Variants in BRD2 observed in about 807,000 individuals in gnomAD.
BRD2 encodes bromodomain containing 2, also known as bromodomain-containing protein 2.
A neutral mutation model predicts 79.1 loss-of-function variants in BRD2; 15 were observed. That is an observed-to-expected ratio of 0.19 (90% CI 0.13 to 0.29). BRD2 has a LOEUF of 0.29. BRD2 is among the 10% of genes least tolerant of loss of function. The probability of loss-of-function intolerance (pLI) is 1.00; values close to 1 mark genes in which losing one functional copy is unlikely to be tolerated. For synonymous variants in BRD2, 488 were observed against 358.6 expected, an observed-to-expected ratio of 1.36 and a Z score of -4.08; for missense variants, 1,053 against 991.3, an observed-to-expected ratio of 1.06 and a Z score of -0.84.
rs1417455376 is a variant in BRD2, at chr6:32,972,544, CCGA to C, written c.-353_-351del. The C allele has an allele frequency of 5.1e-6, 2 of 394,502 alleles. No individual in the cohort carries two copies. The highest frequency in any genetic ancestry group is 9.2e-6 in the Non-Finnish European group (2 of 216,804). 24.4% of individuals were successfully genotyped at this position (394,502 alleles called of 1,614,324 possible). A position where few individuals can be genotyped will look rare whatever the true frequency, so the allele number is the denominator to read the frequency against. ...GGGACCTCGTCGGCCCCGTAGGGGC[CCGA>C]CAAGAAGAGGGAATCCCTGCAGACC... On this transcript the variant is annotated 5_prime_UTR_variant, in exon 2 of 13. Transcript: ENST00000374825.
rs776261408 is a variant in BRD2 at position 32,972,232 on chromosome 6, C to T, written c.-667C>T. 15 of 493,252 alleles carry T rather than the reference C, an allele frequency of 3.0e-5. No individual in the cohort carries two copies. The highest frequency in any genetic ancestry group is 2.4e-4 in the East Asian group (6 of 25,288). The allele number at this position is 493,252 out of a possible 1,614,324, so 30.6% of individuals were successfully genotyped here. A position where few individuals can be genotyped will look rare whatever the true frequency, so the allele number is the denominator to read the frequency against. On this transcript the variant is annotated 5_prime_UTR_variant, in exon 2 of 13. In the 5' UTR this introduces an upstream ATG that the reference lacks. Transcript: ENST00000374825. Reference sequence around the variant, plus strand: ...TGCTGGAGTGGAGCAGCCTCTAGAACGAGCTGGAGGATTCTGCCTACCGAT... The same window carrying T: ...TGCTGGAGTGGAGCAGCCTCTAGAATGAGCTGGAGGATTCTGCCTACCGAT...
chr6:32,971,299 G>A, intron 1 of BRD2: 1 of 308,060 alleles, frequency 3.2e-6, no homozygotes, highest in Admixed American at 5.0e-5. Flanking sequence ...AAATGTATTG[G>A]TAACTGTAGG....
chr6:32,978,556 A>T, intron 10 of BRD2, 168 bp downstream of exon 10: 1 of 1,089,118 alleles, frequency 9.2e-7, no homozygotes. Flanking sequence ...TGGAAGACAG[A>T]TTTTACCACA....
intron 2 of BRD2, 45 bp downstream of exon 2, chr6:32,972,972 G>C: frequency 6.2e-7 from 1 of 1,614,006 alleles, no homozygotes; most frequent in Non-Finnish European, 8.5e-7. Context: ...GTTGCAGGGC[G>C]GCGGCACAGG....
At chr6:32,969,343 C>T (rs1211973226) in intron 1 of BRD2, 1 of 716,466 alleles carries the variant, frequency 1.4e-6, no homozygotes, top group South Asian at 1.5e-5. Context: ...GTACAGCAGC[C>T]GGGAGCCAGG....
rs529274703 is a variant in BRD2 at position 32,973,145 on chromosome 6, G to A, written c.29+218G>A. On this transcript the variant is annotated intron_variant, in intron 2 of 12. Coordinates refer to ENST00000374825, the MANE Select transcript of BRD2 (RefSeq NM_005104.4). Reference sequence around the variant, plus strand: ...GGGAATACAGGTTGTCAATTTATACGCTATTAATGCCGCCGTGGCCCAGTC... The same window carrying A: ...GGGAATACAGGTTGTCAATTTATACACTATTAATGCCGCCGTGGCCCAGTC... 155 of 1,548,322 alleles carry A rather than the reference G, an allele frequency of 1.0e-4. 2 individuals are homozygous for A. In the South Asian group the frequency reaches 1.8e-3, roughly 17 times the overall value.
chr6:32,980,629 C>T lies in BRD2; in HGVS notation c.2317C>T (p.Arg773Cys), dbSNP rs755177056. The change falls in exon 13 of 13, where the codon CGC becomes TGC. Residue 773 changes from arginine to cysteine, a missense_variant. By Grantham distance (180) the Arg-to-Cys change is radical. This residue lies in a region of BRD2 where 139 missense variants were observed against 133.2 expected (regional missense o/e 1.04). Coordinates refer to ENST00000374825, the MANE Select transcript of BRD2 (RefSeq NM_005104.4). ...CTCTGCACAGCAAGTAGCAGTGTCA[C>T]GCCTTAGCGCTTCCAGCTCCAGCTC... ...SSSAQQVAVSRLSASSSSSDS... is the reference protein window; with the variant it reads ...SSSAQQVAVSCLSASSSSSDS... The T allele has an allele frequency of 3.5e-5, 57 of 1,613,174 alleles. No individual in the cohort carries two copies. Among genetic ancestry groups the T allele is most frequent in the Middle Eastern group, 1.6e-4 (1 of 6,062 alleles).
Position 32,977,839 on chromosome 6 carries a change from C to T in BRD2, c.1412C>T (p.Pro471Leu), listed in dbSNP as rs1399935440. The change falls in exon 9 of 13, where the codon CCT becomes CTT. Residue 471 changes from proline (P) to leucine (L), a missense_variant. This residue lies in a region of BRD2 where 454 missense variants were observed against 430.5 expected (regional missense o/e 1.05). Transcript: ENST00000374825. ...TTACCAGTCTCTACTGCCATGCCCC[C>T]TGGCTTGGCCAAATCGTCTTCAGAG... Reference protein sequence around the residue: ...GPLPVSTAMPPGLAKSSSESS... With the variant: ...GPLPVSTAMPLGLAKSSSESS... 6.2e-7 allele frequency: 1 copy of T among 1,613,146 alleles called. No homozygotes were observed. The highest frequency in any genetic ancestry group is 8.5e-7 in the Non-Finnish European group (1 of 1,180,046).
chr6:32,978,545 G>A (rs76088152), intron 10 of BRD2, 157 bp downstream of exon 10: 88,293 of 1,260,662 alleles, frequency 0.07, 3,887 homozygotes, highest in Non-Finnish European at 0.085. Context: ...GACCAGTTTC[G>A]TGGAAGACAG....
At chr6:32,973,495 A>G (rs1029290883) in intron 2 of BRD2, among the ~76,000 whole-genome samples, 5 of 152,108 alleles carry the variant, frequency 3.3e-5, no homozygotes, top group Admixed American at 6.5e-5. Context: ...TTTTCCTAAC[A>G]TTAAAAGTTT....
In BRD2 at chr6:32,968,746, CCCCCTTGG is replaced by C. The variant is rs1000266150; in HGVS notation, c.-1605_-1598del. 1.3e-5 allele frequency: 2 copies of C among 153,600 alleles called. No homozygotes were observed. Among genetic ancestry groups the C allele is most frequent in the African/African-American group, 4.8e-5 (2 of 41,424 alleles). The allele number at this position is 153,600 out of a possible 1,614,324, so 9.5% of individuals were successfully genotyped here. A position where few individuals can be genotyped will look rare whatever the true frequency, so the allele number is the denominator to read the frequency against. On this transcript the variant is annotated 5_prime_UTR_variant, in exon 1 of 13. An upstream open reading frame in the 5' UTR loses its in-frame stop. Coordinates refer to ENST00000374825, the MANE Select transcript of BRD2 (RefSeq NM_005104.4). ...CGGGACATAGGCCTGGGCCATGCGG[CCCCCTTGG>C]CCCCTTGGCGCGACCCCCAGGAACG... is the stretch of plus-strand genomic sequence containing the variant.
chr6:32,978,591 T>G (rs1423362312), intron 10 of BRD2: 19 of 818,346 alleles, frequency 2.3e-5, no homozygotes, highest in African/African-American at 3.5e-5. Context: ...GGATGGTTTT[T>G]GGGATGAAAC....
rs773401595 is a variant in BRD2 at position 32,979,056 on chromosome 6, TG to T, written c.1841+669del. 1.9e-3 allele frequency: 198 copies of T among 104,712 alleles called. 2 individuals are homozygous for T. The highest frequency in any genetic ancestry group is 5.0e-3 in the African/African-American group (166 of 32,948). 6.5% of individuals were successfully genotyped at this position (104,712 alleles called of 1,614,324 possible). On this transcript the variant is annotated intron_variant, in intron 10 of 12. Transcript: ENST00000374825. Reference sequence around the variant, plus strand: ...TGTGGTTTTGTGTTTTGTTTTTTTTTGTTAGTTTGTTTTTTGTTTTGTTTTT... The same window carrying T: ...TGTGGTTTTGTGTTTTGTTTTTTTTTTTAGTTTGTTTTTTGTTTTGTTTTT...
Position 32,973,128 on chromosome 6 carries a change from A to G in BRD2, c.29+201A>G, listed in dbSNP as rs754517349. On this transcript the variant is annotated intron_variant, in intron 2 of 12. Coordinates refer to ENST00000374825, the MANE Select transcript of BRD2 (RefSeq NM_005104.4). ...GGCTACTGCTCGTGGAGGGGAATAC[A>G]GGTTGTCAATTTATACGCTATTAAT... The G allele has an allele frequency of 5.2e-6, 8 of 1,551,224 alleles. No individual in the cohort carries two copies. The Admixed American group carries it at 5.9e-5, about 11-fold the overall frequency.
At chr6:32,975,328 G>A in intron 3 of BRD2, 56 bp from the exon 4 acceptor site, 6 of 1,413,466 alleles carry the variant, frequency 4.2e-6, no homozygotes, top group Non-Finnish European at 5.8e-6. Context: ...GGGATCGGTA[G>A]TCTCCCTATA....
intron 8 of BRD2, 70 bp downstream of exon 8, chr6:32,977,640 C>G: frequency 6.2e-7 from 1 of 1,602,998 alleles, no homozygotes; most frequent in Non-Finnish European, 8.5e-7. Flanking sequence ...TGCTGCATAG[C>G]CTCAACGTGA....
rs765967593 is a variant in BRD2, at chr6:32,976,773, T to C, written c.1037T>C (p.Leu346Pro). 2.5e-6 allele frequency: 4 copies of C among 1,613,296 alleles called. No individual in the cohort carries two copies. Among genetic ancestry groups the C allele is most frequent in the Non-Finnish European group, 3.4e-6 (4 of 1,180,038 alleles). The change falls in exon 7 of 13, where the codon CTT becomes CCT. Residue 346 changes from leucine (L) to proline (P), a missense_variant. By Grantham distance (98) the Leu-to-Pro change is moderately conservative. This residue lies in a region of BRD2 where 454 missense variants were observed against 430.5 expected (regional missense o/e 1.05). Coordinates refer to ENST00000374825, the MANE Select transcript of BRD2 (RefSeq NM_005104.4). ...QQHQSSKKGK[L>P]SEQLKHCNGI... ...CACCAGAGCTCTAAGAAAGGAAAGC[T>C]TTCAGAACAGTTAAAACATTGCAAT...
chr6:32,977,677 AATTGGAGCTAT>A, intron 8 of BRD2, 69 bp from the exon 9 acceptor site: 1 of 1,603,424 alleles, frequency 6.2e-7, no homozygotes, highest in Non-Finnish European at 8.5e-7. Flanking sequence ...TACAGTTGTA[AATTGGAGCTAT>A]ATCACTTGGT....
chr6:32,978,607 C>CAG (rs201128901), intron 10 of BRD2: 18,479 of 694,892 alleles, frequency 0.027, 484 homozygotes, highest in African/African-American at 0.091. Flanking sequence ...GAAACTGTTC[C>CAG]ACCTCAGATC....
Sources: allele counts gnomAD v4.1 joint callset (sites outside exome capture counted in the v4.1 genomes callset), GRCh38; gene constraint gnomAD v4.1.1; regional missense constraint gnomAD v4.1.1; transcripts MANE v1.5; gene names NCBI Gene and HGNC (gene_info 2026-07-23, HGNC 2026-07-21).